Variants in ROBO1 observed in about 807,000 individuals in gnomAD.
The protein encoded by ROBO1 is roundabout homolog 1.
Under a neutral mutation model 195.9 loss-of-function variants are expected in ROBO1, and 149 were observed. That is an observed-to-expected ratio of 0.76 (90% CI 0.67 to 0.87). The LOEUF (loss-of-function observed/expected upper bound fraction) is 0.87. Ranked by LOEUF, ROBO1 falls within the 40% of genes least tolerant of loss-of-function variation. The pLI is 0.00. For missense variants in ROBO1, 1,933 were observed against 2,068.3 expected, an observed-to-expected ratio of 0.93 and a Z score of 1.27; for synonymous variants, 816 against 733.2, an observed-to-expected ratio of 1.11 and a Z score of -1.82.
At chr3:79,662,986 GCACA>G (rs1946375574) in intron 1 of ROBO1, among the ~76,000 whole-genome samples, 1 of 151,970 alleles carries the variant, frequency 6.6e-6, no homozygotes, top group Non-Finnish European at 1.5e-5. Context: ...TGACTGCTAG[GCACA>G]CACAAAGAAT....
At chr3:79,162,829 T>C (rs1324943386) in intron 2 of ROBO1, among the ~76,000 whole-genome samples, 2 of 152,146 alleles carry the variant, frequency 1.3e-5, no homozygotes, top group African/African-American at 2.4e-5. Context: ...ATAAGAGAAA[T>C]TGGGTACTGC....
At chr3:79,572,770 T>C (rs868276467) in intron 2 of ROBO1, among the ~76,000 whole-genome samples, 14 of 152,202 alleles carry the variant, frequency 9.2e-5, no homozygotes, top group African/African-American at 3.4e-4. Context: ...AAATTCATAA[T>C]ATTCAGTTAA....
chr3:78,833,127 T>G (rs1689663414), intron 4 of ROBO1, among the ~76,000 whole-genome samples: 1 of 152,014 alleles, frequency 6.6e-6, no homozygotes, highest in Non-Finnish European at 1.5e-5. Flanking sequence ...TCTGCAGGAT[T>G]GATTTCAAAG....
chr3:79,072,800 A>G (rs2079111289), intron 3 of ROBO1, among the ~76,000 whole-genome samples: 1 of 151,944 alleles, frequency 6.6e-6, no homozygotes, highest in South Asian at 2.1e-4. Context: ...CTCATCTTGT[A>G]TTAATTTTCT....
chr3:79,174,851 G>A (rs1441504414), intron 2 of ROBO1, among the ~76,000 whole-genome samples: 5 of 135,268 alleles, frequency 3.7e-5, no homozygotes, highest in East Asian at 2.1e-4. Flanking sequence ...GCAAGACTCC[G>A]CCTCAAAAAA....
chr3:78,673,344 G>A (rs950598580), intron 10 of ROBO1, among the ~76,000 whole-genome samples: 4 of 150,390 alleles, frequency 2.7e-5, no homozygotes, highest in Non-Finnish European at 4.4e-5. Flanking sequence ...TAATAGTGGT[G>A]GAGGTAGTGA....
intron 2 of ROBO1, among the ~76,000 whole-genome samples, chr3:79,420,010 T>C (rs1182676273): frequency 6.6e-6 from 1 of 152,096 alleles, no homozygotes; most frequent in Admixed American, 6.6e-5. Flanking sequence ...GAAAACCTGA[T>C]GGCATTAACA....
At chr3:79,060,119 C>T (rs1052418383) in intron 3 of ROBO1, among the ~76,000 whole-genome samples, 9 of 151,982 alleles carry the variant, frequency 5.9e-5, no homozygotes, top group African/African-American at 1.9e-4. Flanking sequence ...GGATGAAATA[C>T]ACCCTAGTCT....
At chr3:78,820,052 C>T (rs1269664950) in intron 4 of ROBO1, among the ~76,000 whole-genome samples, 8 of 152,022 alleles carry the variant, frequency 5.3e-5, no homozygotes, top group African/African-American at 1.9e-4. Flanking sequence ...AGAGTACAAT[C>T]GAAAAAGGGA....
In ROBO1 at chr3:78,952,407, T is replaced by C. The variant is rs555266617; in HGVS notation, c.173-13480A>G. 2.6e-5 allele frequency among the ~76,000 whole-genome samples: 4 copies of C among 151,096 alleles called. No individual in the cohort carries two copies. The East Asian group carries it at 7.7e-4, about 29-fold the overall frequency. ...ATATTTATATATAGGTTCAAACCTA[T>C]ATTCTTAAAAGAGCCTTGCTGCTTA... On this transcript the variant is annotated intron_variant, in intron 3 of 30. Coordinates refer to ENST00000464233, the MANE Select transcript of ROBO1 (RefSeq NM_002941.4).
intron 2 of ROBO1, among the ~76,000 whole-genome samples, chr3:79,330,610 T>TAA (rs1348961842): frequency 1.4e-5 from 2 of 145,792 alleles, no homozygotes; most frequent in African/African-American, 5.1e-5. Flanking sequence ...CAGACATGAG[T>TAA]ATTTGTGACA....
chr3:78,816,001 C>T (rs2108650516), intron 4 of ROBO1, among the ~76,000 whole-genome samples: 1 of 152,234 alleles, frequency 6.6e-6, no homozygotes, highest in Non-Finnish European at 1.5e-5. Flanking sequence ...CAGTAAGCAA[C>T]AAATTTTCAG....
At chr3:78,600,013 G>T (rs1235866745) in intron 30 of ROBO1, 100 bp downstream of exon 30, 1 of 966,724 alleles carries the variant, frequency 1.0e-6, no homozygotes, top group Non-Finnish European at 1.7e-6. Flanking sequence ...TGAAAAGTTT[G>T]CAATAAAACA....
At chr3:78,948,710 G>C (rs944593327) in intron 3 of ROBO1, among the ~76,000 whole-genome samples, 1 of 152,208 alleles carries the variant, frequency 6.6e-6, no homozygotes, top group Admixed American at 6.5e-5. Context: ...ATTAGGAAAA[G>C]AGTAAGTCAA....
intron 2 of ROBO1, among the ~76,000 whole-genome samples, chr3:79,255,997 A>T (rs1471874356): frequency 6.6e-6 from 1 of 152,198 alleles, no homozygotes; most frequent in Non-Finnish European, 1.5e-5. Flanking sequence ...TAGAAATTGT[A>T]ATAAGGAAAG....
chr3:79,070,545 T>A (rs1424377451), intron 3 of ROBO1, among the ~76,000 whole-genome samples: 1 of 151,848 alleles, frequency 6.6e-6, no homozygotes. Context: ...TGCTAATGAG[T>A]CTGTGATATG....
At chr3:79,135,191 A>T (rs1467913697) in intron 2 of ROBO1, among the ~76,000 whole-genome samples, 1 of 149,190 alleles carries the variant, frequency 6.7e-6, no homozygotes, top group South Asian at 2.1e-4. Context: ...CATCTCCCCA[A>T]ACCCCCACAT....
chr3:79,318,028 G>T (rs1004679811), intron 2 of ROBO1, among the ~76,000 whole-genome samples: 1 of 152,182 alleles, frequency 6.6e-6, no homozygotes, highest in African/African-American at 2.4e-5. Context: ...CCAAAGGTCA[G>T]CAGGTTGCTG....
chr3:79,236,551 G>A (rs983017788), intron 2 of ROBO1, among the ~76,000 whole-genome samples: 3 of 151,916 alleles, frequency 2.0e-5, no homozygotes, highest in South Asian at 2.1e-4. Flanking sequence ...TACAGGGAAC[G>A]TTTAAATGAG....
Sources: gnomAD v4.1 joint callset for allele counts (sites outside exome capture counted in the v4.1 genomes callset) on GRCh38, gnomAD v4.1.1 for gene constraint, MANE v1.5 for transcripts, NCBI Gene and HGNC (gene_info 2026-07-23, HGNC 2026-07-21) for gene names.